The following PALLD variants were observed in gnomAD, a reference collection of about 807,000 sequenced individuals.
PALLD encodes palladin.
In PALLD, 61 loss-of-function variants were observed where a neutral mutation model predicts 123.5. That is an observed-to-expected ratio of 0.49 (90% confidence interval 0.40 to 0.61). The LOEUF is 0.61. PALLD is among the 20% of genes least tolerant of loss of function. PALLD has a pLI of 0.00. For missense variants in PALLD, 1,273 were observed against 1,377.0 expected (o/e 0.92, Z 1.20); for synonymous variants, 465 against 496.4 (o/e 0.94, Z 0.84).
chr4:168,607,407 A>T (rs1237782812), intron 2 of PALLD, among the ~76,000 whole-genome samples: 1 of 152,172 alleles, frequency 6.6e-6, no homozygotes, highest in African/African-American at 2.4e-5. Context: ...GTTCTGACTC[A>T]TGTAATTTTG....
intron 2 of PALLD, among the ~76,000 whole-genome samples, chr4:168,596,463 G>C (rs1242433814): frequency 3.3e-5 from 5 of 152,210 alleles, no homozygotes; most frequent in Admixed American, 6.5e-5. Flanking sequence ...GTGTTTCTAT[G>C]TAGGGAACTC....
intron 10 of PALLD, among the ~76,000 whole-genome samples, chr4:168,773,816 G>A (rs553920475): frequency 9.9e-5 from 15 of 152,036 alleles, no homozygotes; most frequent in Admixed American, 5.2e-4. Context: ...CCTCAAATCC[G>A]AAAGGTCACG....
intron 10 of PALLD, among the ~76,000 whole-genome samples, chr4:168,854,529 A>C (rs1748290463): frequency 1.3e-5 from 2 of 152,212 alleles, no homozygotes; most frequent in African/African-American, 2.4e-5. Flanking sequence ...GAAGCTGAAG[A>C]TGCAAGAAGA....
At chr4:168,622,356 A>G (rs1019639678) in intron 2 of PALLD, among the ~76,000 whole-genome samples, 6 of 152,220 alleles carry the variant, frequency 3.9e-5, no homozygotes, top group Non-Finnish European at 8.8e-5. Context: ...TGGGATTTTT[A>G]TGAAGCCTTG....
intron 10 of PALLD, among the ~76,000 whole-genome samples, chr4:168,719,247 ATCT>A (rs1456531860): frequency 1.7e-5 from 2 of 119,878 alleles, no homozygotes; most frequent in Non-Finnish European, 3.5e-5. Context: ...ATCAAAAGTA[ATCT>A]TCTTTTTTTT....
intron 10 of PALLD, among the ~76,000 whole-genome samples, chr4:168,785,023 C>T (rs947263889): frequency 1.3e-4 from 17 of 132,062 alleles, no homozygotes; most frequent in Non-Finnish European, 2.0e-4. Flanking sequence ...AGACATTTTC[C>T]TTTTAATGAA....
intron 10 of PALLD, among the ~76,000 whole-genome samples, chr4:168,837,643 G>C (rs938982297): frequency 2.6e-5 from 4 of 152,192 alleles, no homozygotes; most frequent in African/African-American, 9.6e-5. Flanking sequence ...ATCCCACGTA[G>C]TGAGTACTAT....
In PALLD at chr4:168,617,998, C is replaced by T. The variant is rs76750051; in HGVS notation, c.909-50192C>T. 4.9e-3 allele frequency among the ~76,000 whole-genome samples: 744 copies of T among 152,290 alleles called. 5 individuals carry two copies. Among genetic ancestry groups the T allele is most frequent in the African/African-American group, 0.017 (715 of 41,558 alleles). Reference sequence around the variant, plus strand: ...TAAATAGGATTTTGAAGTCCCTGCTCTTGCTTTGCAAAGAAATCATCAGTA... The same window carrying T: ...TAAATAGGATTTTGAAGTCCCTGCTTTTGCTTTGCAAAGAAATCATCAGTA... On this transcript the variant is annotated intron_variant, in intron 2 of 21. Transcript: ENST00000505667.
intron 6 of PALLD, among the ~76,000 whole-genome samples, chr4:168,685,810 G>GAA (rs70961550): frequency 0.017 from 1,107 of 65,634 alleles, 28 homozygotes; most frequent in African/African-American, 0.05. Flanking sequence ...AAGACAGATA[G>GAA]AAAAAAAAAA....
chr4:168,525,828 A>G (rs548297284), intron 2 of PALLD, among the ~76,000 whole-genome samples: 23 of 152,354 alleles, frequency 1.5e-4, no homozygotes, highest in Admixed American at 5.9e-4. Context: ...AGGCCAATGC[A>G]GGTAAAATGA....
chr4:168,670,545 G>A (rs868590830), intron 3 of PALLD, among the ~76,000 whole-genome samples: 36 of 150,062 alleles, frequency 2.4e-4, no homozygotes, highest in African/African-American at 8.6e-4. Context: ...CATCCTGGCT[G>A]ACAAGGTGAA....
chr4:168,715,621 T>C (rs1388120140), intron 10 of PALLD, among the ~76,000 whole-genome samples: 1 of 152,180 alleles, frequency 6.6e-6, no homozygotes, highest in Non-Finnish European at 1.5e-5. Context: ...GGGCTCACTG[T>C]GAAAAATCTC....
intron 2 of PALLD, chr4:168,648,958 C>G (rs1777762987): frequency 6.6e-6 from 1 of 152,232 alleles, no homozygotes; most frequent in Non-Finnish European, 1.5e-5. Flanking sequence ...TAGCTTCTCT[C>G]TCCTCCCAGC....
At chr4:168,702,144 T>A (rs1783735886) in intron 8 of PALLD, among the ~76,000 whole-genome samples, 1 of 152,184 alleles carries the variant, frequency 6.6e-6, no homozygotes, top group African/African-American at 2.4e-5. Context: ...TATGTAAGAT[T>A]TCTTGTGTCC....
At chr4:168,557,002 C>G (rs1767381693) in intron 2 of PALLD, among the ~76,000 whole-genome samples, 1 of 146,366 alleles carries the variant, frequency 6.8e-6, no homozygotes, top group Admixed American at 6.8e-5. Context: ...TGTCAGTATT[C>G]AATGGGCTCT....
intron 2 of PALLD, among the ~76,000 whole-genome samples, chr4:168,665,373 T>C (rs1353087242): frequency 6.6e-6 from 1 of 152,234 alleles, no homozygotes; most frequent in Non-Finnish European, 1.5e-5. Flanking sequence ...GTATTAAGCA[T>C]GCCTTTTAAT....
intron 10 of PALLD, among the ~76,000 whole-genome samples, chr4:168,714,793 A>C (rs1785181669): frequency 6.6e-6 from 1 of 152,130 alleles, no homozygotes; most frequent in African/African-American, 2.4e-5. Context: ...TACTCTCACA[A>C]TGAATTAATC....
intron 2 of PALLD, chr4:168,648,886 G>C (rs910528214): frequency 6.6e-5 from 10 of 152,206 alleles, no homozygotes; most frequent in African/African-American, 2.4e-4. Flanking sequence ...TGGAGTAAAA[G>C]CTGTAAGTAG....
chr4:168,742,428 G>A (rs1324303586), intron 10 of PALLD, among the ~76,000 whole-genome samples: 1 of 152,194 alleles, frequency 6.6e-6, no homozygotes, highest in Non-Finnish European at 1.5e-5. Flanking sequence ...ACTGAGAGGA[G>A]AAGACTGTGT....
Sources: gnomAD v4.1 joint callset for allele counts (sites outside exome capture counted in the v4.1 genomes callset) on GRCh38, gnomAD v4.1.1 for gene constraint, MANE v1.5 for transcripts, NCBI Gene and HGNC (gene_info 2026-07-23, HGNC 2026-07-21) for gene names.